The following PNN variants were observed in gnomAD, a reference collection of about 807,000 sequenced individuals.
The protein encoded by PNN is pinin, desmosome associated protein.
In PNN, 38 loss-of-function variants were observed where a neutral mutation model predicts 76.6. That is an observed-to-expected ratio of 0.50 (90% CI 0.38 to 0.65). PNN has a LOEUF of 0.65. Ranked by LOEUF, PNN falls within the 30% of genes least tolerant of loss-of-function variation. PNN has a pLI of 0.00. For missense variants in PNN, 873 were observed against 874.1 expected, an observed-to-expected ratio of 1.00 and a Z score of 0.02; for synonymous variants, 366 against 283.7, an observed-to-expected ratio of 1.29 and a Z score of -2.91.
In PNN at chr14:39,180,939, A is replaced by C; in HGVS notation, c.1230A>C (p.Arg410=). 3.7e-6 allele frequency: 6 copies of C among 1,614,184 alleles called. No homozygotes were observed. Among genetic ancestry groups the C allele is most frequent in the Non-Finnish European group, 5.1e-6 (6 of 1,180,010 alleles). ...ACCAGGAGGTAATGGAAACTAATCG[A>C]GTTGAAAGTGTAGAACCTTCAGAAA... ...IADQEVMETN[R]VESVEPSENE... is the part of the protein sequence containing the mutation. The change falls in exon 9 of 9, where the codon CGA becomes CGC. Residue 410 remains arginine, a synonymous_variant. Coordinates refer to ENST00000216832, the MANE Select transcript of PNN (RefSeq NM_002687.4).
chr14:39,178,980 C>T (rs939331503), intron 6 of PNN, 111 bp from the exon 7 acceptor site: 14 of 963,746 alleles, frequency 1.5e-5, no homozygotes, highest in Middle Eastern at 2.2e-4. Context: ...TAATGTTTCA[C>T]GTAATTAGTA....
rs2053264705 is a variant in PNN at position 39,180,937 on chromosome 14, C to A, written c.1228C>A (p.Arg410=). The change falls in exon 9 of 9, where the codon CGA becomes AGA. Residue 410 remains arginine, a synonymous_variant. Coordinates refer to ENST00000216832, the MANE Select transcript of PNN (RefSeq NM_002687.4). ...IADQEVMETN[R]VESVEPSENE... ...TGACCAGGAGGTAATGGAAACTAAT[C>A]GAGTTGAAAGTGTAGAACCTTCAGA... The A allele has an allele frequency of 1.2e-6, 2 of 1,613,826 alleles. No individual in the cohort carries two copies. The highest frequency in any genetic ancestry group is 1.7e-5 in the Admixed American group (1 of 59,970).
Position 39,179,116 on chromosome 14 carries a change from A to G in PNN, c.524A>G (p.Gln175Arg). Reference sequence around the variant, plus strand: ...CAAAAGCGGCGCCAGGAAATTGAACAAAAACTTGAAGTTCAGGCAGAAGAA... The same window carrying G: ...CAAAAGCGGCGCCAGGAAATTGAACGAAAACTTGAAGTTCAGGCAGAAGAA... ...ERQKRRQEIE[Q>R]KLEVQAEEER... is the part of the protein sequence containing the mutation. Residue 175 changes from glutamine to arginine, a missense_variant, in exon 7 of 9, where the codon CAA (glutamine) becomes CGA (arginine). Physicochemically the swap from Gln to Arg is conservative, Grantham distance 43 (BLOSUM62 1). Transcript: ENST00000216832. The G allele has an allele frequency of 6.2e-7, 1 of 1,611,568 alleles. No individual in the cohort carries two copies. The highest frequency in any genetic ancestry group is 8.5e-7 in the Non-Finnish European group (1 of 1,179,546).
At chr14:39,178,807 A>G (rs1169424065) in intron 6 of PNN, among the ~76,000 whole-genome samples, 1 of 151,342 alleles carries the variant, frequency 6.6e-6, no homozygotes, top group Non-Finnish European at 1.5e-5. Flanking sequence ...GCGTGATCTC[A>G]GCTCACTGCA....
At chr14:39,177,748 A>G (rs936564360) in intron 5 of PNN, 61 bp downstream of exon 5, 14 of 1,457,628 alleles carry the variant, frequency 9.6e-6, no homozygotes, top group Middle Eastern at 1.7e-4. Context: ...AAATCAAGGG[A>G]TTGTTCAAGC....
At chr14:39,178,981 G>T in intron 6 of PNN, 110 bp from the exon 7 acceptor site, 1 of 971,382 alleles carries the variant, frequency 1.0e-6, no homozygotes, top group Non-Finnish European at 1.5e-6. Flanking sequence ...AATGTTTCAC[G>T]TAATTAGTAT....
intron 6 of PNN, among the ~76,000 whole-genome samples, chr14:39,178,264 C>T (rs2053243994): frequency 6.6e-6 from 1 of 152,134 alleles, no homozygotes; most frequent in Non-Finnish European, 1.5e-5. Flanking sequence ...TGCAGTGGCT[C>T]ATGCCTGTAA....
In PNN at chr14:39,181,976, A is replaced by T; in HGVS notation, c.*113A>T. The T allele has an allele frequency of 1.8e-6, 2 of 1,114,020 alleles. No homozygotes were observed. Among genetic ancestry groups the T allele is most frequent in the South Asian group, 3.7e-5 (2 of 54,090 alleles). The allele number at this position is 1,114,020 out of a possible 1,614,324, so 69.0% of individuals were successfully genotyped here. On this transcript the variant is annotated 3_prime_UTR_variant, in exon 9 of 9. Coordinates refer to ENST00000216832, the MANE Select transcript of PNN (RefSeq NM_002687.4). The stretch of plus-strand genomic sequence containing the variant: ...GCCTTAAGAATTGCATGTTGTAAAA[A>T]ATCTTTTTGGAAAATACAGACTGTT...
chr14:39,176,676 C>T (rs540049796), intron 3 of PNN, 81 bp downstream of exon 3: 16 of 865,860 alleles, frequency 1.8e-5, no homozygotes, highest in Non-Finnish European at 2.7e-5. Context: ...AACAATAATT[C>T]TGTTTCAGCA....
At position 39,177,977 on chromosome 14, in the gene PNN, T is replaced by G. The variant is rs1256280571; in HGVS notation, c.498+61T>G. ...AAGTTATCAAAGTAGTAGATTAATG[T>G]TTTTTTTAAAAAATCCTTAAAGCTC... On this transcript the variant is annotated intron_variant, in intron 6 of 8. Transcript: ENST00000216832. 3 of 991,652 alleles carry G rather than the reference T, an allele frequency of 3.0e-6. No individual in the cohort carries two copies. The African/African-American group carries it at 5.9e-5, about 20-fold the overall frequency. The allele number at this position is 991,652 out of a possible 1,614,324, so 61.4% of individuals were successfully genotyped here. A position where few individuals can be genotyped will look rare whatever the true frequency, so the allele number is the denominator to read the frequency against.
chr14:39,177,253 G>C (rs1566557452), intron 3 of PNN, among the ~76,000 whole-genome samples, 159 bp from the exon 4 acceptor site: 1 of 152,190 alleles, frequency 6.6e-6, no homozygotes, highest in Non-Finnish European at 1.5e-5. Context: ...AGGCATGCTG[G>C]CTCACGCCTG....
rs377474305 is a variant in PNN, at chr14:39,177,428, C to T, written c.271C>T (p.Arg91Trp). 19 of 1,613,830 alleles carry T rather than the reference C, an allele frequency of 1.2e-5. No individual in the cohort carries two copies. Among genetic ancestry groups the T allele is most frequent in the South Asian group, 7.7e-5 (7 of 91,044 alleles). Reference protein sequence around the residue: ...GAVSRLGGERRTRRESRQESD... With the variant: ...GAVSRLGGERWTRRESRQESD... Reference sequence around the variant, plus strand: ...CTATGACAGGCTGGGCGGGGAGCGTCGGACCAGAAGAGAATCACGCCAGGA... The same window carrying T: ...CTATGACAGGCTGGGCGGGGAGCGTTGGACCAGAAGAGAATCACGCCAGGA... Residue 91 changes from arginine (R) to tryptophan (W), a missense_variant, in exon 4 of 9, where the codon CGG (arginine) becomes TGG (tryptophan). Arg to Trp is a moderately radical substitution (Grantham distance 101). Transcript: ENST00000216832.
At position 39,181,823 on chromosome 14, in the gene PNN, A is replaced by G; in HGVS notation, c.2114A>G (p.Glu705Gly). The change falls in exon 9 of 9, where the codon GAA (glutamate) becomes GGA (glycine). Residue 705 changes from glutamate to glycine, a missense_variant. Glu to Gly is a moderately conservative substitution (Grantham distance 98, BLOSUM62 -2). Around this residue, in one of 3 missense-constraint regions of PNN, gnomAD observed 712 missense variants for 693.1 expected, o/e 1.03. Coordinates refer to ENST00000216832, the MANE Select transcript of PNN (RefSeq NM_002687.4). ...TCAGGCAAAAGATCTTCAAGAAGTG[A>G]AAGAGACCGAAAATCAGACAGGAAA... ...SRSGKRSSRS[E>G]RDRKSDRKDK... The G allele has an allele frequency of 3.7e-6, 6 of 1,603,532 alleles. No individual in the cohort carries two copies. Among genetic ancestry groups the G allele is most frequent in the South Asian group, 1.1e-5 (1 of 88,740 alleles).
Position 39,181,881 on chromosome 14 carries a change from T to G in PNN, c.*18T>G, listed in dbSNP as rs768950912. The G allele has an allele frequency of 1.9e-6, 3 of 1,540,508 alleles. No individual in the cohort carries two copies. The South Asian group carries it at 3.8e-5, about 20-fold the overall frequency. ...GGCGTTAATGGAAGAAGCCAGGCTT[T>G]CTTAGCCATTCTTTGCAGCAGAAGA... is the stretch of plus-strand genomic sequence containing the variant. On this transcript the variant is annotated 3_prime_UTR_variant, in exon 9 of 9. Transcript: ENST00000216832.
At position 39,176,724 on chromosome 14, in the gene PNN, C is replaced by G. The variant is rs569506657; in HGVS notation, c.254+129C>G. The G allele has an allele frequency of 1.3e-4, 83 of 658,090 alleles. 2 individuals carry two copies. In the South Asian group the frequency reaches 1.4e-3, roughly 11 times the overall value. The allele number at this position is 658,090 out of a possible 1,614,324, so 40.8% of individuals were successfully genotyped here. On this transcript the variant is annotated intron_variant, in intron 3 of 8. Transcript: ENST00000216832. ...AGTGGTATGCCACTCCCTGCCCCCCCCAAGTTCTGTTGGTATTTGACTGAA... is the reference window on the plus strand; with the variant it reads ...AGTGGTATGCCACTCCCTGCCCCCCGCAAGTTCTGTTGGTATTTGACTGAA...
intron 8 of PNN, 87 bp downstream of exon 8, chr14:39,179,549 T>C (rs536892034): frequency 1.8e-6 from 2 of 1,124,258 alleles, no homozygotes; most frequent in East Asian, 2.5e-5. Flanking sequence ...AAAATAATTA[T>C]GATTCAGTGA....
intron 3 of PNN, 48 bp downstream of exon 3, chr14:39,176,643 C>T (rs1211404925): frequency 3.7e-6 from 4 of 1,074,896 alleles, no homozygotes; most frequent in Non-Finnish European, 5.6e-6. Context: ...TTCTGAGGTA[C>T]CACACAAATA....
At position 39,181,780 on chromosome 14, in the gene PNN, A is replaced by G. The variant is rs905679337; in HGVS notation, c.2071A>G (p.Ile691Val). Reference sequence around the variant, plus strand: ...TTCCCGGTCCGACAGAAAGAGGTCTATATCAGAGAGTAGTCGATCAGGCAA... The same window carrying G: ...TTCCCGGTCCGACAGAAAGAGGTCTGTATCAGAGAGTAGTCGATCAGGCAA... ...KNSRSDRKRSISESSRSGKRS... is the reference protein window; with the variant it reads ...KNSRSDRKRSVSESSRSGKRS... Residue 691 changes from isoleucine (I) to valine (V), a missense_variant, in exon 9 of 9, where the codon ATA (isoleucine) becomes GTA (valine). Transcript: ENST00000216832. The G allele has an allele frequency of 3.7e-6, 6 of 1,614,016 alleles. No homozygotes were observed. The highest frequency in any genetic ancestry group is 2.2e-5 in the South Asian group (2 of 91,070).
intron 1 of PNN, 146 bp from the exon 2 acceptor site, chr14:39,175,932 C>T (rs1416421286): frequency 4.9e-6 from 3 of 610,862 alleles, no homozygotes; most frequent in African/African-American, 1.9e-5. Context: ...ACTTCCTGTC[C>T]TGTTTCAGAC....
Sources: gnomAD v4.1 joint callset for allele counts (sites outside exome capture counted in the v4.1 genomes callset) on GRCh38, gnomAD v4.1.1 for gene constraint, gnomAD v4.1.1 regional missense constraint, MANE v1.5 for transcripts, NCBI Gene and HGNC (gene_info 2026-07-23, HGNC 2026-07-21) for gene names.